PPP3CB: variants seen among roughly 807,000 people sequenced by gnomAD.
PPP3CB encodes protein phosphatase 3 catalytic subunit beta, also known as serine/threonine-protein phosphatase 2B catalytic subunit beta isoform.
Under a neutral mutation model 66.4 loss-of-function variants are expected in PPP3CB, and 8 were observed. The ratio of observed to expected loss-of-function variants is 0.12; its 90% CI spans 0.07 to 0.22. The LOEUF (loss-of-function observed/expected upper bound fraction) is 0.22, where lower values mean the gene tolerates loss of function less well. Ranked by LOEUF, PPP3CB falls within the 10% of genes least tolerant of loss-of-function variation. PPP3CB has a pLI of 1.00. For synonymous variants in PPP3CB, 208 were observed against 221.2 expected (o/e 0.94, Z 0.53); for missense variants, 319 against 642.5 (o/e 0.50, Z 5.44).
At chr10:73,484,704 T>C (rs1177317975) in intron 1 of PPP3CB, among the ~76,000 whole-genome samples, 1 of 152,104 alleles carries the variant, frequency 6.6e-6, no homozygotes, top group African/African-American at 2.4e-5. Flanking sequence ...ATAAATGCAA[T>C]ATAAATAGTC....
intron 9 of PPP3CB, among the ~76,000 whole-genome samples, chr10:73,457,202 A>G (rs975509443): frequency 7.0e-6 from 1 of 142,322 alleles, no homozygotes; most frequent in African/African-American, 2.6e-5. Context: ...GGATCACTTG[A>G]GCCTAGTAAT....
At chr10:73,450,082 G>T (rs2056321012) in intron 10 of PPP3CB, among the ~76,000 whole-genome samples, 1 of 152,156 alleles carries the variant, frequency 6.6e-6, no homozygotes, top group Admixed American at 6.5e-5. Context: ...ACAGGCCTGA[G>T]CCACCGCGCC....
rs1345992303 is a variant in PPP3CB, at chr10:73,467,469, T to C, written c.1108+84A>G. 3 of 1,160,132 alleles carry C rather than the reference T, an allele frequency of 2.6e-6. No individual in the cohort carries two copies. The African/African-American group carries it at 4.8e-5, about 19-fold the overall frequency. The allele number at this position is 1,160,132 out of a possible 1,614,324, so 71.9% of individuals were successfully genotyped here. ...ACAGTGAAACTAGACTTTGGTTTCC[T>C]TTAGCAAGTATGTGCCTATGATAGT... is the stretch of plus-strand genomic sequence containing the variant. On this transcript the variant is annotated intron_variant, in intron 9 of 13. Transcript: ENST00000360663.
At chr10:73,474,757 A>G (rs541539792) in intron 4 of PPP3CB, among the ~76,000 whole-genome samples, 162 bp downstream of exon 4, 2 of 152,292 alleles carry the variant, frequency 1.3e-5, no homozygotes, top group East Asian at 3.9e-4. Context: ...TCTTAATACC[A>G]TTAAACACCA....
At chr10:73,468,598 G>C (rs2056655489) in intron 8 of PPP3CB, among the ~76,000 whole-genome samples, 1 of 152,086 alleles carries the variant, frequency 6.6e-6, no homozygotes, top group Admixed American at 6.5e-5. Flanking sequence ...AGTATAAAAT[G>C]TCTTGTAGAT....
chr10:73,473,208 C>T (rs1223905603), intron 4 of PPP3CB, among the ~76,000 whole-genome samples: 1 of 152,168 alleles, frequency 6.6e-6, no homozygotes, highest in African/African-American at 2.4e-5. Flanking sequence ...GCCACTTCTG[C>T]CACTACCCAT....
intron 11 of PPP3CB, 91 bp downstream of exon 11, chr10:73,446,401 C>T (rs1295998452): frequency 3.7e-5 from 45 of 1,230,774 alleles, no homozygotes; most frequent in Admixed American, 5.1e-5. Flanking sequence ...TACCCGGCCC[C>T]ATTTTGCTTT....
chr10:73,452,272 G>A (rs2056359044), intron 10 of PPP3CB, among the ~76,000 whole-genome samples: 1 of 152,132 alleles, frequency 6.6e-6, no homozygotes, highest in Non-Finnish European at 1.5e-5. Flanking sequence ...TTGAACATGA[G>A]AGAAACTGAG....
intron 1 of PPP3CB, among the ~76,000 whole-genome samples, chr10:73,491,956 A>G (rs868693654): frequency 6.6e-6 from 1 of 151,748 alleles, no homozygotes; most frequent in African/African-American, 2.4e-5. Context: ...AAGAAGAGCG[A>G]AACTCCATCT....
intron 1 of PPP3CB, among the ~76,000 whole-genome samples, chr10:73,490,425 TAATA>T (rs1010591704): frequency 6.6e-6 from 1 of 152,258 alleles, no homozygotes; most frequent in African/African-American, 2.4e-5. Flanking sequence ...AGCAGACATT[TAATA>T]AATATTTGCT....
At position 73,495,931 on chromosome 10, in the gene PPP3CB, T is replaced by TG; in HGVS notation, c.-43dup. The TG allele has an allele frequency of 3.0e-5, 3 of 99,526 alleles. No homozygotes were observed. Among genetic ancestry groups the TG allele is most frequent in the Non-Finnish European group, 5.1e-5 (3 of 58,616 alleles). The allele number at this position is 99,526 out of a possible 1,614,324, so 6.2% of individuals were successfully genotyped here. Reference sequence around the variant, plus strand: ...GGCTAGGCTCTGGGCCGGGCGGGGTTGGGGGCGGGGGCGGCGGCTACCAGA... The same window carrying TG: ...GGCTAGGCTCTGGGCCGGGCGGGGTTGGGGGGCGGGGGCGGCGGCTACCAGA... On this transcript the variant is annotated 5_prime_UTR_variant, in exon 1 of 14. Coordinates refer to ENST00000360663, the MANE Select transcript of PPP3CB (RefSeq NM_021132.4).
intron 8 of PPP3CB, among the ~76,000 whole-genome samples, chr10:73,468,585 A>G (rs1305477005): frequency 6.6e-6 from 1 of 152,224 alleles, no homozygotes; most frequent in African/African-American, 2.4e-5. Flanking sequence ...GAAAATACAT[A>G]AAAGTATAAA....
rs528535660 is a variant in PPP3CB at position 73,487,386 on chromosome 10, A to G, written c.86-7869T>C. ...AACATGGCGAAATCCCGTCTCTACT[A>G]AAAATACAAAAATTAGCGGGGCGTG... On this transcript the variant is annotated intron_variant, in intron 1 of 13. Coordinates refer to ENST00000360663, the MANE Select transcript of PPP3CB (RefSeq NM_021132.4). Among the ~76,000 whole-genome samples, 49 of 152,082 alleles carry G rather than the reference A, an allele frequency of 3.2e-4. 2 individuals are homozygous for G. The highest frequency in any genetic ancestry group is 2.3e-3 in the Admixed American group (35 of 15,260).
intron 4 of PPP3CB, among the ~76,000 whole-genome samples, chr10:73,471,895 T>A (rs183635604): frequency 1.3e-5 from 2 of 152,258 alleles, no homozygotes; most frequent in Admixed American, 1.3e-4. Flanking sequence ...AGAGAACTTA[T>A]GGCATGATAA....
At chr10:73,476,964 G>A (rs1396189088) in intron 3 of PPP3CB, among the ~76,000 whole-genome samples, 9 of 152,178 alleles carry the variant, frequency 5.9e-5, no homozygotes, top group Non-Finnish European at 1.3e-4. Flanking sequence ...TGGAGAAGGA[G>A]ATATAAACAA....
intron 10 of PPP3CB, among the ~76,000 whole-genome samples, chr10:73,454,100 T>C (rs1005849788): frequency 3.3e-5 from 5 of 152,226 alleles, no homozygotes; most frequent in African/African-American, 1.2e-4. Context: ...TTTATCCTCT[T>C]TTCTCTAACC....
In PPP3CB at chr10:73,476,287, T is replaced by C. The variant is rs1589709336; in HGVS notation, c.412-1257A>G. 2.0e-5 allele frequency among the ~76,000 whole-genome samples: 3 copies of C among 152,232 alleles called. No individual in the cohort carries two copies. In the East Asian group the frequency reaches 5.8e-4, roughly 29 times the overall value. ...GTTCTCGATGCTTATTTTGATTCTTTGTTATTTTCCTTTTATAACAACAAA... is the reference window on the plus strand; with the variant it reads ...GTTCTCGATGCTTATTTTGATTCTTCGTTATTTTCCTTTTATAACAACAAA... On this transcript the variant is annotated intron_variant, in intron 3 of 13. Transcript: ENST00000360663.
intron 4 of PPP3CB, among the ~76,000 whole-genome samples, chr10:73,474,039 AT>A (rs2056745438): frequency 6.6e-6 from 1 of 152,056 alleles, no homozygotes; most frequent in African/African-American, 2.4e-5. Context: ...GTTAGAAAAA[AT>A]ATATACATTT....
At chr10:73,474,406 CATA>C (rs1008112662) in intron 4 of PPP3CB, among the ~76,000 whole-genome samples, 1 of 151,750 alleles carries the variant, frequency 6.6e-6, no homozygotes, top group African/African-American at 2.4e-5. Flanking sequence ...AAAAGTTAAA[CATA>C]ATAAGAAATT....
Sources: allele counts gnomAD v4.1 joint callset (sites outside exome capture counted in the v4.1 genomes callset), GRCh38; gene constraint gnomAD v4.1.1; transcripts MANE v1.5; gene names NCBI Gene and HGNC (gene_info 2026-07-23, HGNC 2026-07-21).